The following PLD5 variants were observed in gnomAD, a reference collection of about 807,000 sequenced individuals.
PLD5 encodes inactive phospholipase D5.
Under a neutral mutation model 61.1 loss-of-function variants are expected in PLD5, and 36 were observed. The observed-to-expected ratio is 0.59, with a 90% CI of 0.45 to 0.78. The LOEUF (loss-of-function observed/expected upper bound fraction) is 0.78, where lower values mean the gene tolerates loss of function less well. Ranked by LOEUF, PLD5 falls within the 30% of genes least tolerant of loss-of-function variation. The pLI is 0.00. For missense variants in PLD5, 515 were observed against 644.4 expected (o/e 0.80, Z 2.17); for synonymous variants, 243 against 242.8 (o/e 1.00, Z -0.01).
At chr1:242,096,344 T>G (rs2148658338) in intron 9 of PLD5, among the ~76,000 whole-genome samples, 1 of 151,680 alleles carries the variant, frequency 6.6e-6, no homozygotes, top group Admixed American at 6.6e-5. Context: ...TCCCTTTCTC[T>G]TTTTCTTTCC....
rs542662781 is a variant in PLD5, at chr1:242,394,347, A to T, written c.190-46105T>A. Among the ~76,000 whole-genome samples the T allele has an allele frequency of 3.0e-4, 26 of 85,932 alleles. 2 individuals carry two copies. Among genetic ancestry groups the T allele is most frequent in the Non-Finnish European group, 3.9e-4 (17 of 44,122 alleles). 56.4% of individuals were successfully genotyped at this position (85,932 alleles called of 152,430 possible). A position where few individuals can be genotyped will look rare whatever the true frequency, so the allele number is the denominator to read the frequency against. ...ATGAGTATATATGTGTGTATATATG[A>T]GTATATATGTGTGTATATATGAGTA... On this transcript the variant is annotated intron_variant, in intron 1 of 9. Coordinates refer to ENST00000536534, the MANE Select transcript of PLD5 (RefSeq NM_001372062.1).
intron 1 of PLD5, among the ~76,000 whole-genome samples, chr1:242,366,378 GT>G (rs1008586581): frequency 7.2e-5 from 11 of 152,222 alleles, no homozygotes; most frequent in African/African-American, 2.6e-4. Context: ...CAGTTACACA[GT>G]TTTCTTATTT....
At chr1:242,342,509 C>T (rs962593978) in intron 2 of PLD5, among the ~76,000 whole-genome samples, 4 of 152,108 alleles carry the variant, frequency 2.6e-5, no homozygotes, top group East Asian at 1.9e-4. Context: ...GGGGCACTAG[C>T]GAATTGCAAA....
chr1:242,265,472 A>G (rs1407663338), intron 3 of PLD5, 24 bp from the exon 4 acceptor site: 9 of 1,569,416 alleles, frequency 5.7e-6, no homozygotes, highest in Non-Finnish European at 7.8e-6. Flanking sequence ...TCAGAGACAA[A>G]GAAAGTCAGA....
Position 242,257,038 on chromosome 1 carries a change from TTCTATCTATCTA to T in PLD5, c.607+8287_607+8298del, listed in dbSNP as rs35243238. Among the ~76,000 whole-genome samples the T allele has an allele frequency of 3.1e-3, 436 of 142,394 alleles. 10 individuals carry two copies. The East Asian group carries it at 0.042, about 14-fold the overall frequency. The allele number at this position is 142,394 out of a possible 152,430, so 93.4% of individuals were successfully genotyped here. A position where few individuals can be genotyped will look rare whatever the true frequency, so the allele number is the denominator to read the frequency against. On this transcript the variant is annotated intron_variant, in intron 4 of 9. Transcript: ENST00000536534. ...ATCTATCTATATCTACCTACCTACC[TTCTATCTATCTA>T]TCTATCTATCTATCTATCTATCTAT...
At chr1:242,183,618 G>A (rs111962439) in intron 5 of PLD5, among the ~76,000 whole-genome samples, 12,105 of 152,204 alleles carry the variant, frequency 0.08, 572 homozygotes, top group Middle Eastern at 0.15. Flanking sequence ...CACCTAGGCC[G>A]GGCGCGGTGG....
At chr1:242,372,997 T>C (rs1373346978) in intron 1 of PLD5, among the ~76,000 whole-genome samples, 1 of 151,946 alleles carries the variant, frequency 6.6e-6, no homozygotes, top group Non-Finnish European at 1.5e-5. Context: ...ACCATCAGAG[T>C]GAACAGGCAA....
chr1:242,359,000 G>A (rs184376216), intron 1 of PLD5, among the ~76,000 whole-genome samples: 3 of 152,284 alleles, frequency 2.0e-5, no homozygotes, highest in Non-Finnish European at 1.5e-5. Flanking sequence ...GCTGGCTATC[G>A]AGGGATTCAA....
At chr1:242,410,142 T>C (rs1379758197) in intron 1 of PLD5, among the ~76,000 whole-genome samples, 2 of 152,176 alleles carry the variant, frequency 1.3e-5, no homozygotes, top group Non-Finnish European at 2.9e-5. Flanking sequence ...TCTGGCTACT[T>C]CTTGCTGAAA....
Position 242,124,510 on chromosome 1 carries a change from C to A in PLD5, c.891G>T (p.Leu297Phe). 3 of 1,614,014 alleles carry A rather than the reference C, an allele frequency of 1.9e-6. No individual in the cohort carries two copies. The highest frequency in any genetic ancestry group is 2.5e-6 in the Non-Finnish European group (3 of 1,179,956). The change falls in exon 6 of 10, where the codon TTG (leucine) becomes TTT (phenylalanine). Residue 297 changes from leucine (L) to phenylalanine (F), a missense_variant. This residue lies in a region of PLD5 where 450 missense variants were observed against 598.1 expected (regional missense o/e 0.75). Transcript: ENST00000536534. ...ATTTGGTTTCATTCAACTGAAGTTGCAATTTCTTTTCATTGTCATAGACTC... is the reference window on the plus strand; with the variant it reads ...ATTTGGTTTCATTCAACTGAAGTTGAAATTTCTTTTCATTGTCATAGACTC... ...LYGVYDNEKK[L>F]QLQLNETKSQ...
intron 1 of PLD5, among the ~76,000 whole-genome samples, chr1:242,421,176 C>CAAAA (rs5782234): frequency 6.1e-5 from 4 of 65,148 alleles, no homozygotes; most frequent in Admixed American, 3.8e-4. Context: ...GACTCCACCT[C>CAAAA]AAAAAAAAAA....
At chr1:242,167,530 G>A (rs1240695689) in intron 5 of PLD5, among the ~76,000 whole-genome samples, 1 of 152,160 alleles carries the variant, frequency 6.6e-6, no homozygotes, top group Non-Finnish European at 1.5e-5. Flanking sequence ...GATTATGGGA[G>A]CTACAATTCA....
intron 1 of PLD5, among the ~76,000 whole-genome samples, chr1:242,355,752 G>A (rs1660718096): frequency 6.6e-6 from 1 of 152,048 alleles, no homozygotes; most frequent in African/African-American, 2.4e-5. Context: ...TCACCCCTCA[G>A]AACTTCTCTT....
chr1:242,128,843 C>T (rs1241021570), intron 5 of PLD5, among the ~76,000 whole-genome samples: 2 of 151,958 alleles, frequency 1.3e-5, no homozygotes, highest in East Asian at 1.9e-4. Flanking sequence ...TTCCTCCATC[C>T]GAAGATTGGT....
intron 1 of PLD5, among the ~76,000 whole-genome samples, chr1:242,359,766 T>C (rs185077462): frequency 6.6e-6 from 1 of 152,288 alleles, no homozygotes; most frequent in African/African-American, 2.4e-5. Flanking sequence ...AATAATTAAG[T>C]TAAATGACAT....
At chr1:242,447,057 A>G (rs1666573850) in intron 1 of PLD5, among the ~76,000 whole-genome samples, 1 of 152,224 alleles carries the variant, frequency 6.6e-6, no homozygotes, top group Admixed American at 6.5e-5. Flanking sequence ...GGGGATTACT[A>G]AAGGGTTTAA....
chr1:242,503,702 T>C (rs371988416), intron 1 of PLD5, among the ~76,000 whole-genome samples: 33 of 152,174 alleles, frequency 2.2e-4, no homozygotes, highest in African/African-American at 6.0e-4. Flanking sequence ...GTGAGTGCAA[T>C]GGGAAAGAGG....
intron 2 of PLD5, among the ~76,000 whole-genome samples, chr1:242,333,129 C>T (rs1659290141): frequency 6.6e-6 from 1 of 152,092 alleles, no homozygotes; most frequent in Admixed American, 6.6e-5. Flanking sequence ...GTGGAAGTTG[C>T]TAAAAGAGGG....
At chr1:242,404,055 C>A (rs1182978240) in intron 1 of PLD5, among the ~76,000 whole-genome samples, 1 of 152,114 alleles carries the variant, frequency 6.6e-6, no homozygotes, top group Non-Finnish European at 1.5e-5. Context: ...GGCCTTATGC[C>A]AGTGCTGGAG....
Sources: allele counts gnomAD v4.1 joint callset (sites outside exome capture counted in the v4.1 genomes callset), GRCh38; gene constraint gnomAD v4.1.1; regional missense constraint gnomAD v4.1.1; transcripts MANE v1.5; gene names NCBI Gene and HGNC (gene_info 2026-07-23, HGNC 2026-07-21).